The following LHFPL3 variants were observed in gnomAD, a reference collection of about 807,000 sequenced individuals.
LHFPL3 encodes the protein LHFPL tetraspan subfamily member 3.
LHFPL3 carries 5 observed loss-of-function variants against 19.3 expected under a neutral mutation model. That is an observed-to-expected ratio of 0.26 (90% CI 0.14 to 0.54). LHFPL3 has a LOEUF of 0.54. Among genes scored for constraint, LHFPL3 ranks in the 20% least tolerant of loss-of-function variants. The probability of loss-of-function intolerance (pLI) is 0.94; values close to 1 mark genes in which losing one functional copy is unlikely to be tolerated. For synonymous variants in LHFPL3, 133 were observed against 126.2 expected (o/e 1.05, Z -0.36); for missense variants, 249 against 307.4 (o/e 0.81, Z 1.42).
At chr7:104,789,552 C>T (rs1326322572) in intron 2 of LHFPL3, among the ~76,000 whole-genome samples, 1 of 152,066 alleles carries the variant, frequency 6.6e-6, no homozygotes, top group Non-Finnish European at 1.5e-5. Context: ...TCCCTTTACC[C>T]AGCCTACTAG....
chr7:104,841,416 G>A (rs558476905), intron 2 of LHFPL3, among the ~76,000 whole-genome samples: 7 of 115,498 alleles, frequency 6.1e-5, no homozygotes, highest in Middle Eastern at 4.3e-3. Flanking sequence ...TTGCATCCTC[G>A]TTTGTGTCTG....
chr7:104,508,565 T>C (rs1006989877), intron 1 of LHFPL3, among the ~76,000 whole-genome samples: 1 of 151,348 alleles, frequency 6.6e-6, no homozygotes. Flanking sequence ...CATATGTAAC[T>C]AACCTGCACA....
intron 2 of LHFPL3, among the ~76,000 whole-genome samples, chr7:104,762,529 G>C (rs1454927073): frequency 1.3e-5 from 2 of 152,128 alleles, no homozygotes; most frequent in South Asian, 2.1e-4. Context: ...GGACAAGATG[G>C]TGGGGAACTG....
intron 1 of LHFPL3, among the ~76,000 whole-genome samples, chr7:104,548,009 T>C (rs1794602807): frequency 6.6e-6 from 1 of 152,222 alleles, no homozygotes; most frequent in African/African-American, 2.4e-5. Flanking sequence ...AACATGATTT[T>C]TCCAACATGC....
At chr7:104,581,246 T>C (rs1043129337) in intron 1 of LHFPL3, among the ~76,000 whole-genome samples, 4 of 152,102 alleles carry the variant, frequency 2.6e-5, no homozygotes, top group African/African-American at 4.8e-5. Context: ...GATATCTCAC[T>C]GTGTTGTTTT....
In LHFPL3 at chr7:104,724,825, C is replaced by T. The variant is rs1298875744; in HGVS notation, c.446-11850C>T. The stretch of plus-strand genomic sequence containing the variant: ...GCTGACAAGAAGTGGATGGAGAACC[C>T]GTACACACTACAGTGCCCTGTAGCC... On this transcript the variant is annotated intron_variant, in intron 1 of 2. Coordinates refer to ENST00000424859, the MANE Select transcript of LHFPL3 (RefSeq NM_199000.3). 2.0e-5 allele frequency among the ~76,000 whole-genome samples: 3 copies of T among 152,120 alleles called. No individual in the cohort carries two copies. In the East Asian group the frequency reaches 5.8e-4, roughly 29 times the overall value.
chr7:104,563,538 G>A (rs1485410045), intron 1 of LHFPL3, among the ~76,000 whole-genome samples: 5 of 152,194 alleles, frequency 3.3e-5, no homozygotes, highest in African/African-American at 4.8e-5. Flanking sequence ...GCCCTGCTTC[G>A]GCTCGCGCAC....
chr7:104,409,022 G>A (rs1255879916), intron 1 of LHFPL3, among the ~76,000 whole-genome samples: 2 of 138,438 alleles, frequency 1.4e-5, no homozygotes, highest in Admixed American at 1.5e-4. Context: ...CTGCCACCAC[G>A]CCCGGCTAAT....
intron 2 of LHFPL3, among the ~76,000 whole-genome samples, chr7:104,867,665 A>G (rs1791753689): frequency 6.6e-6 from 1 of 152,238 alleles, no homozygotes; most frequent in South Asian, 2.1e-4. Flanking sequence ...AGGAGCTGGT[A>G]CCATTCCTTC....
rs951729396 is a variant in LHFPL3 at position 104,733,645 on chromosome 7, C to A, written c.446-3030C>A. On this transcript the variant is annotated intron_variant, in intron 1 of 2. Transcript: ENST00000424859. ...GCACATGAGATGGGTTTCCTGAATA[C>A]AGCACCTGATGGGTCTTGACTTTTT... Among the ~76,000 whole-genome samples the A allele has an allele frequency of 1.6e-4, 24 of 152,176 alleles. 1 individual carries two copies. The highest frequency in any genetic ancestry group is 1.2e-4 in the Non-Finnish European group (8 of 68,024).
chr7:104,551,597 T>C (rs1402096532), intron 1 of LHFPL3, among the ~76,000 whole-genome samples: 1 of 152,134 alleles, frequency 6.6e-6, no homozygotes, highest in Non-Finnish European at 1.5e-5. Flanking sequence ...TTCACTATAT[T>C]ATTTATTATA....
rs759007440 is a variant in LHFPL3, at chr7:104,691,734, C to A, written c.446-44941C>A. 8.5e-4 allele frequency among the ~76,000 whole-genome samples: 130 copies of A among 152,334 alleles called. 1 individual carries two copies. Among genetic ancestry groups the A allele is most frequent in the Middle Eastern group, 3.4e-3 (1 of 294 alleles). On this transcript the variant is annotated intron_variant, in intron 1 of 2. Coordinates refer to ENST00000424859, the MANE Select transcript of LHFPL3 (RefSeq NM_199000.3). ...GAGTGGTCAAAAACTGAAGATATTT[C>A]TATCCCATGTGAGTGCCTCACCAAA...
intron 2 of LHFPL3, among the ~76,000 whole-genome samples, chr7:104,797,325 G>A (rs990684110): frequency 6.6e-6 from 1 of 152,202 alleles, no homozygotes; most frequent in Admixed American, 6.5e-5. Flanking sequence ...GGGTGGGGCT[G>A]TGAGACTTGT....
intron 1 of LHFPL3, among the ~76,000 whole-genome samples, chr7:104,722,721 C>G (rs922787268): frequency 1.4e-4 from 21 of 152,180 alleles, no homozygotes; most frequent in Admixed American, 1.4e-3. Flanking sequence ...TGAAAGTTCC[C>G]CCTCCATAGC....
At chr7:104,794,289 GCA>G (rs1790076196) in intron 2 of LHFPL3, among the ~76,000 whole-genome samples, 1 of 152,142 alleles carries the variant, frequency 6.6e-6, no homozygotes, top group Non-Finnish European at 1.5e-5. Flanking sequence ...GTCATCATTG[GCA>G]CATGATGAAT....
At chr7:104,561,629 G>T (rs1294794116) in intron 1 of LHFPL3, among the ~76,000 whole-genome samples, 4 of 152,128 alleles carry the variant, frequency 2.6e-5, no homozygotes, top group South Asian at 2.1e-4. Flanking sequence ...GTCTTGACTT[G>T]TTATCCAATT....
intron 2 of LHFPL3, chr7:104,798,294 T>C (rs1475342775): frequency 6.6e-6 from 1 of 152,258 alleles, no homozygotes; most frequent in Admixed American, 6.5e-5. Flanking sequence ...TTAAGTATTT[T>C]AAGTTAAATA....
At chr7:104,608,281 T>G (rs1448712278) in intron 1 of LHFPL3, among the ~76,000 whole-genome samples, 1 of 151,400 alleles carries the variant, frequency 6.6e-6, no homozygotes, top group African/African-American at 2.4e-5. Context: ...ATTAAGAAAA[T>G]GTGGCACATA....
intron 1 of LHFPL3, among the ~76,000 whole-genome samples, chr7:104,389,765 A>C (rs957742469): frequency 1.3e-5 from 2 of 152,170 alleles, no homozygotes; most frequent in African/African-American, 2.4e-5. Flanking sequence ...ATAGAGAAAG[A>C]AAAAATAGTC....
Sources: allele counts gnomAD v4.1 joint callset (sites outside exome capture counted in the v4.1 genomes callset), GRCh38; gene constraint gnomAD v4.1.1; transcripts MANE v1.5; gene names NCBI Gene and HGNC (gene_info 2026-07-23, HGNC 2026-07-21).